EIF4E2: variants seen among roughly 807,000 people sequenced by gnomAD.
EIF4E2 encodes the protein eukaryotic translation initiation factor 4E family member 2, also known as eukaryotic translation initiation factor 4E type 2.
A neutral mutation model predicts 34.2 loss-of-function variants in EIF4E2; 13 were observed. The ratio of observed to expected loss-of-function variants is 0.38; its 90% CI spans 0.25 to 0.60. The LOEUF (loss-of-function observed/expected upper bound fraction) is 0.60, where lower values mean the gene tolerates loss of function less well. Ranked by LOEUF, EIF4E2 falls within the 20% of genes least tolerant of loss-of-function variation. The pLI is 0.62. For missense variants in EIF4E2, 222 were observed against 315.1 expected (o/e 0.70, Z 2.24); for synonymous variants, 100 against 106.6 (o/e 0.94, Z 0.38).
At chr2:232,559,315 T>C (rs1692633468) in intron 3 of EIF4E2, among the ~76,000 whole-genome samples, 1 of 151,866 alleles carries the variant, frequency 6.6e-6, no homozygotes, top group Admixed American at 6.6e-5. Flanking sequence ...TTAGTACTCC[T>C]GATGTCTTAA....
intron 3 of EIF4E2, among the ~76,000 whole-genome samples, chr2:232,559,087 G>C (rs931379472): frequency 1.4e-5 from 2 of 146,358 alleles, no homozygotes; most frequent in African/African-American, 5.1e-5. Context: ...ACGGGGGAGC[G>C]GGGAGGGATA....
intron 3 of EIF4E2, 96 bp downstream of exon 3, chr2:232,558,114 A>G: frequency 4.0e-6 from 6 of 1,504,614 alleles, no homozygotes; most frequent in Non-Finnish European, 1.8e-6. Flanking sequence ...CCTATTTAAG[A>G]TTCTGGTTTT....
chr2:232,558,041 G>T (rs1692586481), intron 3 of EIF4E2, 23 bp downstream of exon 3: 1 of 1,613,424 alleles, frequency 6.2e-7, no homozygotes, highest in Non-Finnish European at 8.5e-7. Context: ...TGAATTAATG[G>T]AGTGTGCCTT....
chr2:232,579,932 G>A (rs1479286220), intron 6 of EIF4E2, among the ~76,000 whole-genome samples: 2 of 152,184 alleles, frequency 1.3e-5, no homozygotes, highest in East Asian at 3.8e-4. Context: ...CTGCCAGCCT[G>A]AAATGTTGAG....
chr2:232,562,132 T>G (rs1277939969), intron 3 of EIF4E2, among the ~76,000 whole-genome samples: 1 of 152,074 alleles, frequency 6.6e-6, no homozygotes, highest in Non-Finnish European at 1.5e-5. Flanking sequence ...GGAGGATTGC[T>G]TGAGCCTGGG....
intron 4 of EIF4E2, among the ~76,000 whole-genome samples, chr2:232,564,850 G>C (rs1191467464): frequency 6.6e-6 from 1 of 152,202 alleles, no homozygotes; most frequent in Non-Finnish European, 1.5e-5. Context: ...TTTTTTGTCT[G>C]TGTGGGTTGG....
At chr2:232,565,596 T>C (rs1480372726) in intron 4 of EIF4E2, among the ~76,000 whole-genome samples, 1 of 151,738 alleles carries the variant, frequency 6.6e-6, no homozygotes, top group African/African-American at 2.4e-5. Context: ...ATTGTGCCAC[T>C]GCACTCCAGC....
chr2:232,568,903 T>G, intron 6 of EIF4E2, 42 bp from the exon 7 acceptor site: 1 of 1,613,604 alleles, frequency 6.2e-7, no homozygotes, highest in South Asian at 1.1e-5. Context: ...CGTCCCCCTC[T>G]CTTTCCTCTC....
chr2:232,550,745 G>C lies in EIF4E2; in HGVS notation c.20+1G>C. ...AGAGGATGAACAACAAGTTCGACGC[G>C]TGAGTGGCTCGTGGCCGCCCCCGGG... On this transcript the variant is annotated splice_donor_variant, in intron 1 of 6. Coordinates refer to ENST00000258416, the MANE Select transcript of EIF4E2 (RefSeq NM_004846.4). LOFTEE classifies it high-confidence loss of function. 1 of 1,582,886 alleles carries C rather than the reference G, an allele frequency of 6.3e-7. No homozygotes were observed. Among genetic ancestry groups the C allele is most frequent in the Non-Finnish European group, 8.6e-7 (1 of 1,166,438 alleles).
downstream of EIF4E2, chr2:232,574,093 C>T (rs1296786158): frequency 2.7e-6 from 2 of 750,424 alleles, no homozygotes; most frequent in African/African-American, 1.7e-5. Flanking sequence ...TGCTCTGCTC[C>T]TCGGAAAGGA....
chr2:232,578,785 G>A (rs1037705655), intron 6 of EIF4E2, among the ~76,000 whole-genome samples: 1 of 151,982 alleles, frequency 6.6e-6, no homozygotes, highest in South Asian at 2.1e-4. Flanking sequence ...TCCTTTTTCC[G>A]TCACTAAACA....
downstream of EIF4E2, chr2:232,569,246 A>G: frequency 7.3e-7 from 1 of 1,376,844 alleles, no homozygotes; most frequent in South Asian, 1.8e-5. Context: ...TGGTGCATCA[A>G]AGATGTGGCC....
At chr2:232,550,819 G>A in intron 1 of EIF4E2, 75 bp downstream of exon 1, 1 of 1,410,218 alleles carries the variant, frequency 7.1e-7, no homozygotes, top group South Asian at 1.3e-5. Context: ...TGGGGCTGGG[G>A]CGGCGCAAAC....
At chr2:232,567,275 T>C (rs758911997) in intron 6 of EIF4E2, 61 bp downstream of exon 6, 5 of 1,604,878 alleles carry the variant, frequency 3.1e-6, no homozygotes, top group Admixed American at 1.7e-5. Flanking sequence ...AGATCTGTAG[T>C]TGGGCCCAGA....
intron 3 of EIF4E2, among the ~76,000 whole-genome samples, chr2:232,559,729 A>C (rs1445656009): frequency 6.6e-6 from 1 of 151,230 alleles, no homozygotes; most frequent in Non-Finnish European, 1.5e-5. Flanking sequence ...AGATTGTTTG[A>C]GCCCAGGAGT....
intron 6 of EIF4E2, chr2:232,567,448 T>A: frequency 7.5e-7 from 1 of 1,341,428 alleles, no homozygotes; most frequent in Non-Finnish European, 9.5e-7. Flanking sequence ...GAAACCCAGT[T>A]GTACTACCTG....
At chr2:232,574,082 C>T (rs1405030225), downstream of EIF4E2, 1 of 728,630 alleles carries the variant, frequency 1.4e-6, no homozygotes, top group South Asian at 1.5e-5. Flanking sequence ...AAAGGGTAGG[C>T]TGCTCTGCTC....
intron 6 of EIF4E2, among the ~76,000 whole-genome samples, chr2:232,579,147 C>CACAT (rs1249343669): frequency 6.6e-6 from 1 of 151,764 alleles, no homozygotes; most frequent in African/African-American, 2.4e-5. Context: ...CACACACACA[C>CACAT]ACACACACAC....
chr2:232,556,699 C>G, intron 2 of EIF4E2, 169 bp downstream of exon 2: 1 of 583,628 alleles, frequency 1.7e-6, no homozygotes, highest in Non-Finnish European at 3.0e-6. Context: ...CATTTTCAGA[C>G]CTAGAACTTT....
Sources: gnomAD v4.1 joint callset for allele counts (sites outside exome capture counted in the v4.1 genomes callset) on GRCh38, gnomAD v4.1.1 for gene constraint, MANE v1.5 for transcripts, NCBI Gene and HGNC (gene_info 2026-07-23, HGNC 2026-07-21) for gene names.